Variants in IP6K2 observed in about 807,000 individuals in gnomAD.
The protein encoded by IP6K2 is ATP:1D-myo-inositol-hexakisphosphate phosphotransferase.
Under a neutral mutation model 43.3 loss-of-function variants are expected in IP6K2, and 9 were observed. That is an observed-to-expected ratio of 0.21 (90% confidence interval 0.13 to 0.36). The LOEUF is 0.36. Among genes scored for constraint, IP6K2 ranks in the 10% least tolerant of loss-of-function variants. IP6K2 has a pLI of 1.00. For synonymous variants in IP6K2, 209 were observed against 202.4 expected (o/e 1.03, Z -0.28); for missense variants, 332 against 538.4 (o/e 0.62, Z 3.79).
Position 48,688,110 on chromosome 3 carries a change from C to A in IP6K2, c.*163G>T. 1.4e-6 allele frequency: 1 copy of A among 697,702 alleles called. No individual in the cohort carries two copies. Among genetic ancestry groups the A allele is most frequent in the Non-Finnish European group, 2.5e-6 (1 of 399,680 alleles). The allele number at this position is 697,702 out of a possible 1,614,324, so 43.2% of individuals were successfully genotyped here. Reference sequence around the variant, plus strand: ...AAATAGTTAAAATAAATAAAGACTCCAAGCACAGCTGGGACTGGCTCAGGC... The same window carrying A: ...AAATAGTTAAAATAAATAAAGACTCAAAGCACAGCTGGGACTGGCTCAGGC... On this transcript the variant is annotated 3_prime_UTR_variant, in exon 6 of 6. Coordinates refer to ENST00000328631, the MANE Select transcript of IP6K2 (RefSeq NM_016291.4). This position sits in a 1 kb window ranked among gnomAD's most constrained non-coding sequence, Gnocchi z 5.1.
intron 3 of IP6K2, among the ~76,000 whole-genome samples, chr3:48,692,428 A>T (rs1229270275): frequency 6.6e-6 from 1 of 152,214 alleles, no homozygotes; most frequent in African/African-American, 2.4e-5. Context: ...GGTTCCCCTG[A>T]CTCCAAAAGC....
chr3:48,695,604 T>C lies in IP6K2; in HGVS notation c.-130-183A>G. 1.4e-6 allele frequency: 1 copy of C among 720,100 alleles called. No individual in the cohort carries two copies. The highest frequency in any genetic ancestry group is 3.3e-5 in the East Asian group (1 of 30,574). 44.6% of individuals were successfully genotyped at this position (720,100 alleles called of 1,614,324 possible). ...GCAGAAAAACAAAAACACTATGAGC[T>C]CATGGGGCGGGGTTAGATGCAGACA... On this transcript the variant is annotated intron_variant, in intron 1 of 5. Coordinates refer to ENST00000328631, the MANE Select transcript of IP6K2 (RefSeq NM_016291.4). This position sits in a 1 kb window ranked among gnomAD's most constrained non-coding sequence, Gnocchi z 4.6.
intron 1 of IP6K2, among the ~76,000 whole-genome samples, chr3:48,704,734 A>T (rs1038897679): frequency 6.6e-6 from 1 of 151,980 alleles, no homozygotes; most frequent in Non-Finnish European, 1.5e-5. Context: ...TGGCCTCCCA[A>T]AGTGCTGGGA....
chr3:48,712,332 T>TC (rs1473137187), intron 1 of IP6K2, among the ~76,000 whole-genome samples: 1 of 151,446 alleles, frequency 6.6e-6, no homozygotes, highest in Non-Finnish European at 1.5e-5. Flanking sequence ...AAGCTCCGCT[T>TC]CCCAGGTTCA....
At chr3:48,715,616 C>A (rs978356554) in intron 1 of IP6K2, 63 of 682,882 alleles carry the variant, frequency 9.2e-5, no homozygotes, top group Non-Finnish European at 1.5e-4. Context: ...TACCCAGGCC[C>A]TGCATAAAAA....
At chr3:48,715,651 G>A (rs1165737104) in intron 1 of IP6K2, 1 of 563,650 alleles carries the variant, frequency 1.8e-6, no homozygotes, top group Non-Finnish European at 3.1e-6. Context: ...CAAAAAGCTA[G>A]TTTCTACAAT....
intron 2 of IP6K2, chr3:48,693,996 A>AT: frequency 2.9e-5 from 40 of 1,392,464 alleles, no homozygotes; most frequent in South Asian, 1.7e-4. Flanking sequence ...CTTACAAACG[A>AT]CTGGCTGAAC....
intron 1 of IP6K2, among the ~76,000 whole-genome samples, chr3:48,712,160 G>T (rs2080599934): frequency 6.6e-6 from 1 of 151,604 alleles, no homozygotes; most frequent in Non-Finnish European, 1.5e-5. Flanking sequence ...TGTGGATGCT[G>T]AAGCAGGAGG....
At chr3:48,706,696 T>C (rs965103476) in intron 1 of IP6K2, among the ~76,000 whole-genome samples, 92 of 151,964 alleles carry the variant, frequency 6.1e-4, no homozygotes, top group African/African-American at 2.2e-3. Context: ...AAAAACTAGC[T>C]GGGCGTAGTG....
intron 1 of IP6K2, among the ~76,000 whole-genome samples, chr3:48,702,713 G>A (rs570298657): frequency 2.0e-5 from 3 of 152,060 alleles, no homozygotes; most frequent in Admixed American, 6.6e-5. Flanking sequence ...ACTTATCACC[G>A]TCTGACATAC....
intron 5 of IP6K2, 55 bp downstream of exon 5, chr3:48,689,483 G>C: frequency 6.5e-7 from 1 of 1,548,100 alleles, no homozygotes; most frequent in Admixed American, 1.7e-5. Flanking sequence ...GACTATACCA[G>C]GGTGGGGAAG....
rs373023431 is a variant in IP6K2, at chr3:48,712,404, G to A, written c.-131+4753C>T. On this transcript the variant is annotated intron_variant, in intron 1 of 5. Coordinates refer to ENST00000328631, the MANE Select transcript of IP6K2 (RefSeq NM_016291.4). ...ACTACAGGCACCCACCACCACACCC[G>A]GCTAATTTTTTGTATTTTTTTTTAG... 1.3e-4 allele frequency among the ~76,000 whole-genome samples: 20 copies of A among 151,526 alleles called. No homozygotes were observed. The East Asian group carries it at 2.4e-3, about 18-fold the overall frequency.
Position 48,695,077 on chromosome 3 carries a change from A to G in IP6K2, c.202+13T>C, listed in dbSNP as rs772962383. ...TCGCCAGTGTGGCAACCCCTCCAGCAGCTGGGACTTACCTTTGTACTGGGG... is the reference window on the plus strand; with the variant it reads ...TCGCCAGTGTGGCAACCCCTCCAGCGGCTGGGACTTACCTTTGTACTGGGG... On this transcript the variant is annotated intron_variant, in intron 2 of 5. Transcript: ENST00000328631. This position sits in a 1 kb window ranked among gnomAD's most constrained non-coding sequence, Gnocchi z 4.6. The G allele has an allele frequency of 2.0e-5, 32 of 1,613,934 alleles. No individual in the cohort carries two copies. The highest frequency in any genetic ancestry group is 2.6e-5 in the Non-Finnish European group (31 of 1,179,908).
chr3:48,699,192 C>T (rs1274328517), intron 1 of IP6K2, among the ~76,000 whole-genome samples: 1 of 152,078 alleles, frequency 6.6e-6, no homozygotes, highest in Non-Finnish European at 1.5e-5. Context: ...GGTGGAATCA[C>T]CTGAGGTCTG....
chr3:48,690,015 G>C (rs2077628624), intron 4 of IP6K2, among the ~76,000 whole-genome samples: 1 of 152,194 alleles, frequency 6.6e-6, no homozygotes, highest in African/African-American at 2.4e-5. Flanking sequence ...TGTAGGACTA[G>C]GGTCCAAAAA....
At chr3:48,693,554 CAG>C (rs1269059451) in intron 2 of IP6K2, 1 of 1,198,462 alleles carries the variant, frequency 8.3e-7, no homozygotes, top group African/African-American at 1.6e-5. Context: ...ATGCCCTAAA[CAG>C]AAACTCCAAC....
At chr3:48,712,482 A>G (rs1270026993) in intron 1 of IP6K2, among the ~76,000 whole-genome samples, 1 of 151,566 alleles carries the variant, frequency 6.6e-6, no homozygotes, top group Non-Finnish European at 1.5e-5. Context: ...TCCTGACCTC[A>G]TGATCCGCCT....
chr3:48,707,187 C>T (rs1191892934), intron 1 of IP6K2, among the ~76,000 whole-genome samples: 1 of 152,134 alleles, frequency 6.6e-6, no homozygotes, highest in African/African-American at 2.4e-5. Flanking sequence ...GCACACATTA[C>T]CTTTATAACT....
At position 48,688,797 on chromosome 3, in the gene IP6K2, CAG is replaced by C. The variant is rs775830703; in HGVS notation, c.781-26_781-25del. ...ACCTGTAGGAGAGAGACCAGCAAGT[CAG>C]GGGCTGAGGGCCATCTCAAACCCTG... is the stretch of plus-strand genomic sequence containing the variant. On this transcript the variant is annotated intron_variant, in intron 5 of 5. Transcript: ENST00000328631. This position sits in a 1 kb window ranked among gnomAD's most constrained non-coding sequence, Gnocchi z 5.1. The C allele has an allele frequency of 1.9e-6, 3 of 1,580,080 alleles. No homozygotes were observed. The highest frequency in any genetic ancestry group is 2.6e-6 in the Non-Finnish European group (3 of 1,161,338).
Sources: gnomAD v4.1 joint callset for allele counts (sites outside exome capture counted in the v4.1 genomes callset) on GRCh38, gnomAD v4.1.1 for gene constraint, Gnocchi (gnomAD v3.1) non-coding constraint, MANE v1.5 for transcripts, NCBI Gene and HGNC (gene_info 2026-07-23, HGNC 2026-07-21) for gene names.